The following MYRIP variants were observed in gnomAD, a reference collection of about 807,000 sequenced individuals.
MYRIP encodes the protein rab effector MyRIP.
A neutral mutation model predicts 98.0 loss-of-function variants in MYRIP; 49 were observed. The observed-to-expected ratio is 0.50, with a 90% CI of 0.40 to 0.63. MYRIP has a LOEUF of 0.63. Ranked by LOEUF, MYRIP falls within the 30% of genes least tolerant of loss-of-function variation. The pLI, the probability that MYRIP is intolerant of heterozygous loss-of-function variation, is 0.00. For synonymous variants in MYRIP, 404 were observed against 409.5 expected (o/e 0.99, Z 0.16); for missense variants, 1,004 against 1,058.2 (o/e 0.95, Z 0.71).
intron 2 of MYRIP, among the ~76,000 whole-genome samples, chr3:39,997,015 C>A (rs1946377386): frequency 6.6e-6 from 1 of 152,200 alleles, no homozygotes; most frequent in South Asian, 2.1e-4. Context: ...ACCAGAATCT[C>A]TGGGACACAT....
chr3:39,837,732 G>C (rs979743921), intron 1 of MYRIP, among the ~76,000 whole-genome samples: 1 of 152,152 alleles, frequency 6.6e-6, no homozygotes, highest in African/African-American at 2.4e-5. Context: ...ATTTAAAGTA[G>C]TTTTTTCTAA....
At chr3:40,103,253 C>T (rs1439261930) in intron 3 of MYRIP, among the ~76,000 whole-genome samples, 1 of 152,164 alleles carries the variant, frequency 6.6e-6, no homozygotes, top group Non-Finnish European at 1.5e-5. Flanking sequence ...CCTGCATGTA[C>T]TTCAAGCACA....
intron 1 of MYRIP, among the ~76,000 whole-genome samples, chr3:39,873,611 C>T (rs1253381730): frequency 6.6e-6 from 1 of 152,162 alleles, no homozygotes; most frequent in Non-Finnish European, 1.5e-5. Flanking sequence ...TTCCCCATTG[C>T]TTATTTTTCT....
In MYRIP at chr3:39,810,289, A is replaced by G. The variant is rs190968546; in HGVS notation, c.-31+373A>G. Among the ~76,000 whole-genome samples, 844 of 152,276 alleles carry G rather than the reference A, an allele frequency of 5.5e-3. 7 individuals are homozygous for G. Among genetic ancestry groups the G allele is most frequent in the African/African-American group, 0.019 (800 of 41,576 alleles). ...TGCGGGCGCACCGGCGGGACGCCTC[A>G]AACCATCCGTTAAGCGCCCCGCAAG... On this transcript the variant is annotated intron_variant, in intron 1 of 16. Coordinates refer to ENST00000302541, the MANE Select transcript of MYRIP (RefSeq NM_015460.4).
chr3:40,158,855 C>T (rs1950308675), intron 4 of MYRIP, among the ~76,000 whole-genome samples: 1 of 149,942 alleles, frequency 6.7e-6, no homozygotes, highest in Non-Finnish European at 1.5e-5. Context: ...CTTGGTAGAT[C>T]TTCCTCCATC....
chr3:40,056,066 G>T (rs930753350), intron 3 of MYRIP, among the ~76,000 whole-genome samples: 1 of 152,222 alleles, frequency 6.6e-6, no homozygotes, highest in African/African-American at 2.4e-5. Context: ...AGTGGTAAAA[G>T]CTTAGCCAGC....
chr3:40,221,384 A>G (rs1158862759), intron 11 of MYRIP, among the ~76,000 whole-genome samples: 17 of 152,232 alleles, frequency 1.1e-4, no homozygotes, highest in Admixed American at 1.1e-3. Context: ...TAATGCCAAC[A>G]CTTTAGGAGG....
rs80177328 is a variant in MYRIP, at chr3:40,120,827, C to A, written c.333-30221C>A. On this transcript the variant is annotated intron_variant, in intron 3 of 16. Transcript: ENST00000302541. Reference sequence around the variant, plus strand: ...AAGCTGATTCTGACAAATAAAGAAGCAAGCTCAATCAGCTTTATAAATAAG... The same window carrying A: ...AAGCTGATTCTGACAAATAAAGAAGAAAGCTCAATCAGCTTTATAAATAAG... Among the ~76,000 whole-genome samples, 1,221 of 152,300 alleles carry A rather than the reference C, an allele frequency of 8.0e-3. 12 individuals carry two copies. Among genetic ancestry groups the A allele is most frequent in the Non-Finnish European group, 0.013 (903 of 68,024 alleles).
At chr3:40,133,619 C>T (rs978305763) in intron 3 of MYRIP, among the ~76,000 whole-genome samples, 3 of 152,144 alleles carry the variant, frequency 2.0e-5, no homozygotes, top group Admixed American at 2.0e-4. Flanking sequence ...TGCCTGTAAT[C>T]CCTAGTACTC....
chr3:39,877,134 C>T (rs1200230911), intron 1 of MYRIP, among the ~76,000 whole-genome samples: 1 of 152,144 alleles, frequency 6.6e-6, no homozygotes, highest in Non-Finnish European at 1.5e-5. Flanking sequence ...TTGATCGCAT[C>T]AGCTCCAGAG....
chr3:40,209,248 A>T (rs552683507), intron 10 of MYRIP: 1 of 152,512 alleles, frequency 6.6e-6, no homozygotes, highest in East Asian at 1.9e-4. Flanking sequence ...TGATGGGATT[A>T]TGTCTGTGAA....
At chr3:40,222,106 C>T (rs140116935) in intron 11 of MYRIP, among the ~76,000 whole-genome samples, 2,496 of 152,286 alleles carry the variant, frequency 0.016, 17 homozygotes, top group East Asian at 0.031. Context: ...ATAATCGAAG[C>T]GGCAGTGTAT....
At chr3:40,233,579 G>C (rs1032475589) in intron 11 of MYRIP, among the ~76,000 whole-genome samples, 1 of 152,130 alleles carries the variant, frequency 6.6e-6, no homozygotes, top group African/African-American at 2.4e-5. Flanking sequence ...AGTGAGCAGA[G>C]GACATACAGT....
At chr3:40,243,732 A>C (rs1444880994) in intron 12 of MYRIP, among the ~76,000 whole-genome samples, 1 of 152,136 alleles carries the variant, frequency 6.6e-6, no homozygotes, top group Non-Finnish European at 1.5e-5. Context: ...CAAGGATTTC[A>C]CCTTGCTCAC....
intron 3 of MYRIP, among the ~76,000 whole-genome samples, chr3:40,078,468 C>T (rs371105180): frequency 1.8e-4 from 27 of 152,332 alleles, no homozygotes; most frequent in South Asian, 1.2e-3. Context: ...ACTGCCAGCA[C>T]GCTGTCACCT....
At chr3:40,199,009 A>G (rs999006902) in intron 10 of MYRIP, among the ~76,000 whole-genome samples, 6 of 152,214 alleles carry the variant, frequency 3.9e-5, no homozygotes, top group Non-Finnish European at 7.4e-5. Context: ...ATGATAGTTC[A>G]CAAAATTGAT....
intron 2 of MYRIP, among the ~76,000 whole-genome samples, chr3:39,966,043 C>G (rs972346683): frequency 1.3e-5 from 2 of 152,038 alleles, no homozygotes; most frequent in African/African-American, 2.4e-5. Flanking sequence ...GGTGGCTGCC[C>G]CTGAGCTTCT....
chr3:40,118,363 A>C (rs116258332), intron 3 of MYRIP, among the ~76,000 whole-genome samples: 2,388 of 152,296 alleles, frequency 0.016, 62 homozygotes, highest in African/African-American at 0.051. Context: ...TATTTTGCAG[A>C]TATATTTGCC....
chr3:40,107,745 G>A (rs1353990602), intron 3 of MYRIP, among the ~76,000 whole-genome samples: 3 of 152,312 alleles, frequency 2.0e-5, no homozygotes, highest in Admixed American at 6.5e-5. Flanking sequence ...AAGGATCAAA[G>A]AAACATTCCA....
Sources: allele counts gnomAD v4.1 joint callset (sites outside exome capture counted in the v4.1 genomes callset), GRCh38; gene constraint gnomAD v4.1.1; transcripts MANE v1.5; gene names NCBI Gene and HGNC (gene_info 2026-07-23, HGNC 2026-07-21).